EIF2B3: variants seen among roughly 807,000 people sequenced by gnomAD.
The protein encoded by EIF2B3 is translation initiation factor eIF2B subunit gamma.
EIF2B3 carries 20 observed loss-of-function variants against 54.1 expected under a neutral mutation model. The observed-to-expected ratio is 0.37, with a 90% CI of 0.26 to 0.54. EIF2B3 has a LOEUF of 0.54. Among genes scored for constraint, EIF2B3 ranks in the 20% least tolerant of loss-of-function variants. The pLI is 0.86. For missense variants in EIF2B3, 448 were observed against 547.8 expected (o/e 0.82, Z 1.82); for synonymous variants, 153 against 188.1 (o/e 0.81, Z 1.52).
chr1:44,900,817 C>T (rs78441053), intron 5 of EIF2B3, among the ~76,000 whole-genome samples: 11,162 of 152,072 alleles, frequency 0.073, 1,396 homozygotes, highest in African/African-American at 0.26. Context: ...TTCCCTATGA[C>T]ATGATGTTGA....
chr1:44,898,897 G>A (rs528306314), intron 5 of EIF2B3, among the ~76,000 whole-genome samples: 154 of 152,180 alleles, frequency 1.0e-3, no homozygotes, highest in African/African-American at 3.5e-3. Flanking sequence ...TCGCTATGTT[G>A]CCCAGGCTGG....
At chr1:44,897,262 T>C (rs1450610438) in intron 6 of EIF2B3, 93 bp downstream of exon 6, 9 of 897,050 alleles carry the variant, frequency 1.0e-5, no homozygotes, top group Non-Finnish European at 1.6e-5. Context: ...TTTTAGAAAC[T>C]GGTTATCTAA....
At chr1:44,880,942 C>T (rs1052581989) in intron 7 of EIF2B3, among the ~76,000 whole-genome samples, 4 of 150,002 alleles carry the variant, frequency 2.7e-5, no homozygotes, top group African/African-American at 9.8e-5. Flanking sequence ...GCCTGGGCGA[C>T]AGAGGGAGAC....
At chr1:44,902,268 A>G (rs533392433) in intron 5 of EIF2B3, among the ~76,000 whole-genome samples, 1 of 152,286 alleles carries the variant, frequency 6.6e-6, no homozygotes, top group East Asian at 1.9e-4. Context: ...GTTTTTCAAC[A>G]TTGTTCTGGA....
intron 4 of EIF2B3, among the ~76,000 whole-genome samples, chr1:44,938,500 CTGTTT>C (rs1643982608): frequency 7.0e-6 from 1 of 143,712 alleles, no homozygotes. Context: ...CTCTCTCTCT[CTGTTT>C]TTTTTTGGGA....
At chr1:44,983,336 T>A (rs1644534213) in intron 1 of EIF2B3, among the ~76,000 whole-genome samples, 1 of 152,248 alleles carries the variant, frequency 6.6e-6, no homozygotes, top group Non-Finnish European at 1.5e-5. Flanking sequence ...CAAATAATGT[T>A]GCAACTTTAC....
intron 3 of EIF2B3, among the ~76,000 whole-genome samples, chr1:44,967,172 C>T (rs113980556): frequency 0.19 from 28,410 of 150,400 alleles, 2,829 homozygotes; most frequent in African/African-American, 0.23. Flanking sequence ...TGTGGCTGGG[C>T]GTGGTGGCTC....
chr1:44,976,690 T>C (rs985771930), intron 3 of EIF2B3, among the ~76,000 whole-genome samples: 4 of 152,208 alleles, frequency 2.6e-5, no homozygotes, highest in African/African-American at 7.2e-5. Flanking sequence ...AATAGTAGTA[T>C]ATTCATTCAA....
intron 3 of EIF2B3, among the ~76,000 whole-genome samples, chr1:44,977,690 C>T (rs1000551405): frequency 6.6e-6 from 1 of 152,132 alleles, no homozygotes; most frequent in Admixed American, 6.6e-5. Context: ...GTCTCAAACT[C>T]CTGACCTCAA....
chr1:44,906,799 C>T (rs1044758585), intron 5 of EIF2B3, among the ~76,000 whole-genome samples: 5 of 152,338 alleles, frequency 3.3e-5, no homozygotes, highest in Middle Eastern at 3.4e-3. Flanking sequence ...ATGTACAAGA[C>T]ACTAAGTTGA....
At position 44,850,612 on chromosome 1, in the gene EIF2B3, A is replaced by C; in HGVS notation, c.*339T>G. 3 of 382,104 alleles carry C rather than the reference A, an allele frequency of 7.9e-6. No homozygotes were observed. Among genetic ancestry groups the C allele is most frequent in the Non-Finnish European group, 9.7e-6 (2 of 206,786 alleles). 23.7% of individuals were successfully genotyped at this position (382,104 alleles called of 1,614,324 possible). A position where few individuals can be genotyped will look rare whatever the true frequency, so the allele number is the denominator to read the frequency against. ...GTCCTTTTAGGTGAGGGATACTTTC[A>C]GGACTGGGTTGGGTCAGCCAGTCAG... On this transcript the variant is annotated 3_prime_UTR_variant, in exon 12 of 12. Transcript: ENST00000360403.
At chr1:44,854,222 C>T (rs1054328213) in intron 11 of EIF2B3, among the ~76,000 whole-genome samples, 3 of 152,004 alleles carry the variant, frequency 2.0e-5, no homozygotes, top group South Asian at 2.1e-4. Context: ...GGGCTGGTCT[C>T]GAACTCTTGA....
intron 11 of EIF2B3, among the ~76,000 whole-genome samples, chr1:44,851,373 C>G (rs1347688113): frequency 6.6e-6 from 1 of 152,154 alleles, no homozygotes; most frequent in Admixed American, 6.6e-5. Context: ...CCAAACCCAA[C>G]TGCTTCTAAT....
chr1:44,869,475 CG>C (rs1654888450), intron 10 of EIF2B3, among the ~76,000 whole-genome samples: 1 of 142,058 alleles, frequency 7.0e-6, no homozygotes, highest in Non-Finnish European at 1.5e-5. Flanking sequence ...GAGACTATCT[CG>C]GAAAAAAAAA....
intron 10 of EIF2B3, among the ~76,000 whole-genome samples, chr1:44,872,053 G>T (rs1047461937): frequency 6.6e-6 from 1 of 151,856 alleles, no homozygotes; most frequent in African/African-American, 2.4e-5. Flanking sequence ...TGTATTTTAA[G>T]GCAGGCTCTC....
chr1:44,866,410 A>C (rs1654781203), intron 10 of EIF2B3, among the ~76,000 whole-genome samples: 1 of 151,400 alleles, frequency 6.6e-6, no homozygotes, highest in East Asian at 1.9e-4. Flanking sequence ...AAAAAAAAAA[A>C]CAAACAAAAC....
intron 3 of EIF2B3, among the ~76,000 whole-genome samples, chr1:44,962,874 C>A (rs1290287974): frequency 6.6e-6 from 1 of 152,174 alleles, no homozygotes; most frequent in Non-Finnish European, 1.5e-5. Context: ...CACAGTATAG[C>A]AACAATATGA....
chr1:44,884,871 T>C (rs1203994291), intron 6 of EIF2B3, among the ~76,000 whole-genome samples: 1 of 152,196 alleles, frequency 6.6e-6, no homozygotes, highest in Non-Finnish European at 1.5e-5. Flanking sequence ...AGAGGATCCA[T>C]GATTTGAAGA....
chr1:44,955,579 A>G (rs1644214464), intron 3 of EIF2B3, among the ~76,000 whole-genome samples: 1 of 152,158 alleles, frequency 6.6e-6, no homozygotes, highest in African/African-American at 2.4e-5. Context: ...TGAACAAGCA[A>G]CCTACAGAAT....
Sources: allele counts gnomAD v4.1 joint callset (sites outside exome capture counted in the v4.1 genomes callset), GRCh38; gene constraint gnomAD v4.1.1; transcripts MANE v1.5; gene names NCBI Gene and HGNC (gene_info 2026-07-23, HGNC 2026-07-21).